The following GNB1 variants were observed in gnomAD, a reference collection of about 807,000 sequenced individuals.
The protein encoded by GNB1 is G protein subunit beta 1.
A neutral mutation model predicts 42.9 loss-of-function variants in GNB1; 2 were observed. That is an observed-to-expected ratio of 0.05 (90% CI 0.02 to 0.15). The LOEUF (loss-of-function observed/expected upper bound fraction) is 0.15, where lower values mean the gene tolerates loss of function less well. Ranked by LOEUF, GNB1 falls within the 10% of genes least tolerant of loss-of-function variation. GNB1 has a pLI of 1.00. For missense variants in GNB1, 193 were observed against 462.2 expected (o/e 0.42, Z 5.34); for synonymous variants, 183 against 174.7 (o/e 1.05, Z -0.38).
At chr1:1,888,183 CTT>C (rs1343123050) in intron 1 of GNB1, among the ~76,000 whole-genome samples, 3 of 152,150 alleles carry the variant, frequency 2.0e-5, no homozygotes, top group African/African-American at 7.2e-5. Flanking sequence ...TGGATGTGCT[CTT>C]TTGAGAAAGT....
intron 7 of GNB1, 114 bp downstream of exon 7, chr1:1,804,305 A>G: frequency 2.6e-6 from 2 of 760,796 alleles, no homozygotes; most frequent in South Asian, 3.5e-5. Flanking sequence ...CCTCAAAAAA[A>G]ATAATTAATT....
At chr1:1,804,652 A>C in intron 6 of GNB1, 71 bp from the exon 7 acceptor site, 218 of 1,195,448 alleles carry the variant, frequency 1.8e-4, no homozygotes, top group Non-Finnish European at 2.3e-4. Flanking sequence ...GGATTTTCTC[A>C]TCTCCAACTT....
chr1:1,869,699 G>C (rs953922130), intron 1 of GNB1, among the ~76,000 whole-genome samples: 2 of 151,912 alleles, frequency 1.3e-5, no homozygotes, highest in African/African-American at 4.8e-5. Flanking sequence ...CCCTCAAACT[G>C]CCCTCCCAAC....
At chr1:1,846,554 G>A (rs1377163022) in intron 1 of GNB1, among the ~76,000 whole-genome samples, 1 of 152,058 alleles carries the variant, frequency 6.6e-6, no homozygotes. Flanking sequence ...GAGACAAAGT[G>A]AGACTCCATC....
chr1:1,814,983 G>T (rs1371473232), intron 5 of GNB1, among the ~76,000 whole-genome samples: 1 of 151,650 alleles, frequency 6.6e-6, no homozygotes, highest in African/African-American at 2.4e-5. Flanking sequence ...GTGGTGGCAG[G>T]CGCCTGTAGT....
chr1:1,889,773 T>C (rs1315760133), intron 1 of GNB1, among the ~76,000 whole-genome samples: 1 of 152,052 alleles, frequency 6.6e-6, no homozygotes, highest in African/African-American at 2.4e-5. Flanking sequence ...TAAAATATCA[T>C]TTGAATCAAC....
chr1:1,871,143 T>C (rs1268129201), intron 1 of GNB1, among the ~76,000 whole-genome samples: 1 of 152,094 alleles, frequency 6.6e-6, no homozygotes, highest in East Asian at 1.9e-4. Flanking sequence ...ACCTAGTACC[T>C]GCAGTCCTTA....
At chr1:1,864,314 C>CA (rs1173466617) in intron 1 of GNB1, among the ~76,000 whole-genome samples, 1,569 of 37,860 alleles carry the variant, frequency 0.041, 117 homozygotes, top group African/African-American at 0.12. Flanking sequence ...AAGACTCTCT[C>CA]AAAAAAAAAA....
chr1:1,819,500 C>A (rs1051090975), intron 3 of GNB1, among the ~76,000 whole-genome samples: 2 of 151,560 alleles, frequency 1.3e-5, no homozygotes, highest in East Asian at 3.9e-4. Flanking sequence ...GGATTACAGG[C>A]GTGAGCCACC....
chr1:1,859,603 T>C (rs1029094588), intron 1 of GNB1, among the ~76,000 whole-genome samples: 2 of 150,378 alleles, frequency 1.3e-5, no homozygotes, highest in African/African-American at 4.9e-5. Context: ...CGGAGACTGA[T>C]TGGCAGGAGT....
chr1:1,817,184 T>C (rs1282341949), intron 4 of GNB1, among the ~76,000 whole-genome samples: 1 of 152,194 alleles, frequency 6.6e-6, no homozygotes, highest in Non-Finnish European at 1.5e-5. Flanking sequence ...TTCATATAAA[T>C]AGAACTAAAC....
intron 2 of GNB1, 167 bp from the exon 3 acceptor site, chr1:1,825,666 C>T (rs1646988506): frequency 2.1e-6 from 1 of 471,802 alleles, no homozygotes; most frequent in Admixed American, 3.5e-5. Flanking sequence ...AGATCGAGAC[C>T]ATCCTGGCTA....
chr1:1,837,456 G>A (rs373577286), intron 2 of GNB1, among the ~76,000 whole-genome samples: 7 of 151,570 alleles, frequency 4.6e-5, no homozygotes, highest in African/African-American at 1.2e-4. Context: ...GGGTTTCATC[G>A]TGTTAGCCAG....
intron 10 of GNB1, chr1:1,788,781 G>A: frequency 2.5e-6 from 1 of 405,454 alleles, no homozygotes; most frequent in East Asian, 4.2e-5. Context: ...CACGGGGCTG[G>A]GCCCTGGAGC....
At chr1:1,800,736 C>A (rs1390150903) in intron 7 of GNB1, among the ~76,000 whole-genome samples, 3 of 139,714 alleles carry the variant, frequency 2.1e-5, no homozygotes, top group Non-Finnish European at 4.6e-5. Flanking sequence ...CTGCTAAAAA[C>A]CAAATCTTTA....
chr1:1,864,456 C>T (rs1037134915), intron 1 of GNB1, among the ~76,000 whole-genome samples: 2 of 151,960 alleles, frequency 1.3e-5, no homozygotes, highest in Admixed American at 6.6e-5. Flanking sequence ...TTAAAACGGC[C>T]GCAATGATAC....
intron 1 of GNB1, among the ~76,000 whole-genome samples, chr1:1,845,344 C>T (rs1379698561): frequency 2.0e-5 from 3 of 152,210 alleles, no homozygotes; most frequent in East Asian, 1.9e-4. Context: ...GAGGCCAAGG[C>T]GGGCGGATCA....
At chr1:1,856,320 C>T (rs544841361) in intron 1 of GNB1, among the ~76,000 whole-genome samples, 13 of 152,272 alleles carry the variant, frequency 8.5e-5, no homozygotes, top group East Asian at 1.9e-4. Context: ...GATGGGGTCT[C>T]GCTATGTTGC....
intron 1 of GNB1, among the ~76,000 whole-genome samples, chr1:1,876,727 G>A (rs1369760729): frequency 6.6e-6 from 1 of 152,164 alleles, no homozygotes; most frequent in Non-Finnish European, 1.5e-5. Context: ...AGCGGTACTG[G>A]AAGCTAACAC....
Sources: gnomAD v4.1 joint callset for allele counts (sites outside exome capture counted in the v4.1 genomes callset) on GRCh38, gnomAD v4.1.1 for gene constraint, MANE v1.5 for transcripts, NCBI Gene and HGNC (gene_info 2026-07-23, HGNC 2026-07-21) for gene names.